Variants in SWT1 observed in about 807,000 individuals in gnomAD.
SWT1 encodes the protein transcriptional protein SWT1.
A neutral mutation model predicts 107.3 loss-of-function variants in SWT1; 33 were observed. The ratio of observed to expected loss-of-function variants is 0.31; its 90% CI spans 0.23 to 0.41. The LOEUF (loss-of-function observed/expected upper bound fraction) is 0.41. Ranked by LOEUF, SWT1 falls within the 10% of genes least tolerant of loss-of-function variation. The probability of loss-of-function intolerance (pLI) is 1.00; values close to 1 mark genes in which losing one functional copy is unlikely to be tolerated. For missense variants in SWT1, 898 were observed against 1,028.9 expected, an observed-to-expected ratio of 0.87 and a Z score of 1.74; for synonymous variants, 345 against 348.3, an observed-to-expected ratio of 0.99 and a Z score of 0.11.
chr1:185,185,183 A>C (rs1030095330), intron 9 of SWT1, among the ~76,000 whole-genome samples: 4 of 152,164 alleles, frequency 2.6e-5, no homozygotes, highest in African/African-American at 7.2e-5. Context: ...ATAATTATCT[A>C]TATCCCAGAA....
chr1:185,163,484 C>T (rs1037783354), intron 2 of SWT1, among the ~76,000 whole-genome samples: 2 of 151,218 alleles, frequency 1.3e-5, no homozygotes, highest in African/African-American at 2.4e-5. Context: ...ACCTCTGCCT[C>T]CTGGGTTCAG....
chr1:185,227,181 A>G, intron 15 of SWT1: 1 of 928,380 alleles, frequency 1.1e-6, no homozygotes, highest in East Asian at 2.4e-5. Flanking sequence ...ACTATGAGGG[A>G]TAGACAAGCA....
At chr1:185,233,871 G>C (rs1660672028) in intron 16 of SWT1, among the ~76,000 whole-genome samples, 1 of 152,070 alleles carries the variant, frequency 6.6e-6, no homozygotes, top group African/African-American at 2.4e-5. Context: ...AGCCTCCCAA[G>C]TAGCTGGGAC....
chr1:185,191,805 A>G (rs12074509), intron 10 of SWT1, among the ~76,000 whole-genome samples: 1 of 152,162 alleles, frequency 6.6e-6, no homozygotes, highest in African/African-American at 2.4e-5. Flanking sequence ...TTAAATTGAC[A>G]AAACTTTATC....
chr1:185,194,103 T>C (rs541203461), intron 10 of SWT1, among the ~76,000 whole-genome samples: 2 of 152,360 alleles, frequency 1.3e-5, no homozygotes, highest in South Asian at 4.1e-4. Flanking sequence ...AATGCAACTA[T>C]TTCAGCTTTC....
chr1:185,227,680 A>G lies in SWT1; in HGVS notation c.2310-3897A>G, dbSNP rs185485544. 34 of 604,188 alleles carry G rather than the reference A, an allele frequency of 5.6e-5. No individual in the cohort carries two copies. In the African/African-American group the frequency reaches 5.7e-4, roughly 10 times the overall value. 37.4% of individuals were successfully genotyped at this position (604,188 alleles called of 1,614,324 possible). On this transcript the variant is annotated intron_variant, in intron 15 of 18. Transcript: ENST00000367500. ...ATCTCTTAAAGTAGGCCTTATTCTT[A>G]ACAACTTTAACAAACCCCATCCTGC...
chr1:185,231,647 G>GC lies in SWT1; in HGVS notation c.2381dup (p.Phe795IlefsTer16). 1 of 1,605,788 alleles carries GC rather than the reference G, an allele frequency of 6.2e-7. No homozygotes were observed. The stretch of plus-strand genomic sequence containing the variant: ...TTCAAATATAGCATCATTTGAAGAA[G>GC]CATTTATATGTCTTCAAAAGTTAAT... On this transcript the variant is annotated frameshift_variant, in exon 16 of 19. Coordinates refer to ENST00000367500, the MANE Select transcript of SWT1 (RefSeq NM_017673.7). LOFTEE classifies it high-confidence loss of function.
At chr1:185,182,182 A>C in intron 7 of SWT1, 125 bp downstream of exon 7, 1 of 955,874 alleles carries the variant, frequency 1.0e-6, no homozygotes, top group Non-Finnish European at 1.5e-6. Context: ...TGAATGATAA[A>C]GTAATAGTTT....
At chr1:185,286,201 T>C (rs1202958401) in intron 18 of SWT1, among the ~76,000 whole-genome samples, 2 of 152,134 alleles carry the variant, frequency 1.3e-5, no homozygotes, top group Non-Finnish European at 2.9e-5. Context: ...TATTTAGATA[T>C]TCTTTAATTT....
rs577039817 is a variant in SWT1 at position 185,183,633 on chromosome 1, T to TA, written c.1139-610_1139-609insA. ...CTTTCAATTATATTCACTCAGGATA[T>TA]GTTAAAATTAGCTTATAATTACTAA... On this transcript the variant is annotated intron_variant, in intron 7 of 18. Transcript: ENST00000367500. 2.0e-3 allele frequency among the ~76,000 whole-genome samples: 309 copies of TA among 152,308 alleles called. 3 individuals are homozygous for TA. Among genetic ancestry groups the TA allele is most frequent in the African/African-American group, 7.1e-3 (296 of 41,568 alleles).
intron 16 of SWT1, among the ~76,000 whole-genome samples, chr1:185,257,704 T>C (rs1369311228): frequency 3.3e-5 from 5 of 152,330 alleles, no homozygotes; most frequent in South Asian, 2.1e-4. Flanking sequence ...GAGATGAACC[T>C]GGTATCTCAG....
intron 10 of SWT1, among the ~76,000 whole-genome samples, chr1:185,197,064 A>G (rs1657455187): frequency 6.6e-6 from 1 of 152,162 alleles, no homozygotes; most frequent in South Asian, 2.1e-4. Context: ...GCTTTTGCCC[A>G]TTCAGTGTGG....
chr1:185,250,023 A>T (rs148548180), intron 16 of SWT1, among the ~76,000 whole-genome samples: 1 of 152,222 alleles, frequency 6.6e-6, no homozygotes, highest in Admixed American at 6.5e-5. Flanking sequence ...CTTTATTGGG[A>T]TTCACTGTGT....
intron 16 of SWT1, among the ~76,000 whole-genome samples, chr1:185,236,236 C>CCA (rs1660865320): frequency 6.6e-6 from 1 of 152,076 alleles, no homozygotes; most frequent in African/African-American, 2.4e-5. Context: ...GCCCACATAG[C>CCA]CAAGACAATC....
intron 8 of SWT1, 65 bp downstream of exon 8, chr1:185,184,409 T>C (rs1386211009): frequency 4.3e-6 from 4 of 939,286 alleles, no homozygotes; most frequent in Non-Finnish European, 6.5e-6. Flanking sequence ...ATATTAACAA[T>C]GATGGGCTTT....
intron 4 of SWT1, among the ~76,000 whole-genome samples, chr1:185,169,540 A>G (rs1015978878): frequency 2.0e-5 from 3 of 152,306 alleles, no homozygotes; most frequent in African/African-American, 7.2e-5. Context: ...GTTACAGTGC[A>G]CCATTACTGT....
intron 16 of SWT1, among the ~76,000 whole-genome samples, chr1:185,248,868 G>A (rs1383390477): frequency 6.6e-6 from 1 of 151,616 alleles, no homozygotes; most frequent in Non-Finnish European, 1.5e-5. Context: ...ATACCATATG[G>A]TTTATCTAGC....
chr1:185,221,691 T>A (rs1659667726), intron 14 of SWT1, among the ~76,000 whole-genome samples, 158 bp from the exon 15 acceptor site: 1 of 152,232 alleles, frequency 6.6e-6, no homozygotes, highest in Non-Finnish European at 1.5e-5. Flanking sequence ...CTTTTCTAGC[T>A]CTGATGCTTT....
At chr1:185,192,124 A>T (rs931808897) in intron 10 of SWT1, among the ~76,000 whole-genome samples, 5 of 152,346 alleles carry the variant, frequency 3.3e-5, no homozygotes, top group Middle Eastern at 6.8e-3. Flanking sequence ...ACACTTATAT[A>T]CTATGCATCA....
Sources: gnomAD v4.1 joint callset for allele counts (sites outside exome capture counted in the v4.1 genomes callset) on GRCh38, gnomAD v4.1.1 for gene constraint, MANE v1.5 for transcripts, NCBI Gene and HGNC (gene_info 2026-07-23, HGNC 2026-07-21) for gene names.